PDSS2: variants seen among roughly 807,000 people sequenced by gnomAD.
PDSS2 encodes the protein decaprenyl diphosphate synthase subunit 2.
PDSS2 carries 31 observed loss-of-function variants against 44.5 expected under a neutral mutation model. That is an observed-to-expected ratio of 0.70 (90% CI 0.52 to 0.94). The LOEUF (loss-of-function observed/expected upper bound fraction) is 0.94, where lower values mean the gene tolerates loss of function less well. Among genes scored for constraint, PDSS2 ranks in the 40% least tolerant of loss-of-function variants. The pLI is 0.00. For synonymous variants in PDSS2, 157 were observed against 180.3 expected (o/e 0.87, Z 1.03); for missense variants, 452 against 482.2 (o/e 0.94, Z 0.59).
chr6:107,393,424 G>A (rs75822496), intron 1 of PDSS2, among the ~76,000 whole-genome samples: 1,543 of 152,080 alleles, frequency 0.01, 24 homozygotes, highest in African/African-American at 0.035. Flanking sequence ...CCCAGCATAT[G>A]GTTAATCTAA....
intron 1 of PDSS2, among the ~76,000 whole-genome samples, chr6:107,380,364 T>C (rs1051602717): frequency 7.2e-5 from 11 of 152,240 alleles, no homozygotes; most frequent in African/African-American, 2.6e-4. Context: ...TTCAGAAGAG[T>C]TTCTCAGTCT....
intron 1 of PDSS2, among the ~76,000 whole-genome samples, chr6:107,425,602 G>A (rs995135349): frequency 3.3e-5 from 5 of 152,204 alleles, no homozygotes; most frequent in African/African-American, 1.2e-4. Flanking sequence ...CTTGGGTGCT[G>A]TTAAACGGAT....
intron 1 of PDSS2, among the ~76,000 whole-genome samples, chr6:107,357,002 C>T (rs1778614473): frequency 6.6e-6 from 1 of 152,042 alleles, no homozygotes; most frequent in African/African-American, 2.4e-5. Flanking sequence ...ATTCAGAACA[C>T]ACAAAACAGG....
chr6:107,178,153 TAA>T (rs1322790692), intron 7 of PDSS2, among the ~76,000 whole-genome samples: 1 of 152,158 alleles, frequency 6.6e-6, no homozygotes, highest in East Asian at 1.9e-4. Context: ...CATCCTGATA[TAA>T]GATGAGTTTA....
At chr6:107,300,619 G>A (rs530150930) in intron 2 of PDSS2, among the ~76,000 whole-genome samples, 1 of 152,206 alleles carries the variant, frequency 6.6e-6, no homozygotes, top group Non-Finnish European at 1.5e-5. Context: ...TATTGCCTGA[G>A]AGCACAGGGG....
chr6:107,448,301 T>G (rs1346818069), intron 1 of PDSS2, among the ~76,000 whole-genome samples: 1 of 152,184 alleles, frequency 6.6e-6, no homozygotes, highest in Admixed American at 6.5e-5. Context: ...TATTACAATG[T>G]CAGGGTTGCA....
chr6:107,277,968 A>AT (rs1775840777), intron 2 of PDSS2, among the ~76,000 whole-genome samples: 1 of 151,606 alleles, frequency 6.6e-6, no homozygotes. Flanking sequence ...TCAAAAATAA[A>AT]TGAATAAATA....
chr6:107,420,890 A>C (rs1419097135), intron 1 of PDSS2, among the ~76,000 whole-genome samples: 1 of 152,082 alleles, frequency 6.6e-6, no homozygotes, highest in East Asian at 1.9e-4. Flanking sequence ...AAAGGACTCC[A>C]TTAACAAGAT....
chr6:107,193,441 A>G (rs2114527413), intron 7 of PDSS2, among the ~76,000 whole-genome samples: 1 of 152,294 alleles, frequency 6.6e-6, no homozygotes, highest in South Asian at 2.1e-4. Flanking sequence ...ACCCCATAGC[A>G]TCTTTCAACA....
chr6:107,213,102 C>T (rs116887483), intron 4 of PDSS2, among the ~76,000 whole-genome samples: 2,339 of 152,024 alleles, frequency 0.015, 34 homozygotes, highest in Non-Finnish European at 0.025. Flanking sequence ...CTTGACCTCC[C>T]GGGCTCAAGC....
intron 7 of PDSS2, among the ~76,000 whole-genome samples, chr6:107,182,214 T>C (rs1054096915): frequency 3.9e-5 from 6 of 152,152 alleles, no homozygotes; most frequent in African/African-American, 1.4e-4. Context: ...TAGGAATGAA[T>C]AATGTCGAGA....
chr6:107,328,659 T>C (rs543888959), intron 2 of PDSS2, among the ~76,000 whole-genome samples: 83 of 152,274 alleles, frequency 5.5e-4, no homozygotes, highest in African/African-American at 2.0e-3. Flanking sequence ...TACCAAACTT[T>C]TGCCGCTTTC....
At chr6:107,165,745 T>C (rs1177812985) in intron 7 of PDSS2, among the ~76,000 whole-genome samples, 1 of 152,116 alleles carries the variant, frequency 6.6e-6, no homozygotes, top group Admixed American at 6.6e-5. Flanking sequence ...AATCTATAAA[T>C]TACCTTGGGC....
chr6:107,283,184 G>T (rs1776027168), intron 2 of PDSS2, among the ~76,000 whole-genome samples: 1 of 151,802 alleles, frequency 6.6e-6, no homozygotes, highest in African/African-American at 2.4e-5. Flanking sequence ...AATTAGCCAG[G>T]TATGGTGGTG....
At chr6:107,458,701 C>A (rs1226341345) in intron 1 of PDSS2, among the ~76,000 whole-genome samples, 1 of 151,732 alleles carries the variant, frequency 6.6e-6, no homozygotes, top group Non-Finnish European at 1.5e-5. Flanking sequence ...CATCTCCGCT[C>A]GATTTCTCCA....
intron 7 of PDSS2, among the ~76,000 whole-genome samples, chr6:107,161,396 C>T (rs994029436): frequency 1.3e-5 from 2 of 150,660 alleles, no homozygotes; most frequent in Non-Finnish European, 2.9e-5. Flanking sequence ...AGGAGAATGG[C>T]GTGACCCCGG....
chr6:107,211,042 C>A (rs2114628197), intron 5 of PDSS2, among the ~76,000 whole-genome samples: 1 of 151,472 alleles, frequency 6.6e-6, no homozygotes, highest in African/African-American at 2.4e-5. Flanking sequence ...CTGTAAAATT[C>A]TCCAGAATTA....
Position 107,402,980 on chromosome 6 carries a change from T to C in PDSS2, c.296+56010A>G, listed in dbSNP as rs545720862. ...GTCCTCATATTTAAAAACACAATCA[T>C]GCCTTTCCAACAGTCCCCCAAAGAC... On this transcript the variant is annotated intron_variant, in intron 1 of 7. Coordinates refer to ENST00000369037, the MANE Select transcript of PDSS2 (RefSeq NM_020381.4). Among the ~76,000 whole-genome samples, 22 of 152,198 alleles carry C rather than the reference T, an allele frequency of 1.4e-4. No individual in the cohort carries two copies. The East Asian group carries it at 4.1e-3, about 28-fold the overall frequency.
rs1467189572 is a variant in PDSS2, at chr6:107,330,364, C to T, written c.431+3834G>A. 8.5e-5 allele frequency among the ~76,000 whole-genome samples: 13 copies of T among 152,178 alleles called. No individual in the cohort carries two copies. The South Asian group carries it at 2.1e-3, about 24-fold the overall frequency. ...GGGTACTCAAGAAGAAAAGAAAGTG[C>T]GTTTGGCATACTTGCTTCAGTCTCT... On this transcript the variant is annotated intron_variant, in intron 2 of 7. Coordinates refer to ENST00000369037, the MANE Select transcript of PDSS2 (RefSeq NM_020381.4).
Sources: allele counts gnomAD v4.1 joint callset (sites outside exome capture counted in the v4.1 genomes callset), GRCh38; gene constraint gnomAD v4.1.1; transcripts MANE v1.5; gene names NCBI Gene and HGNC (gene_info 2026-07-23, HGNC 2026-07-21).